The following GALNT1 variants were observed in gnomAD, a reference collection of about 807,000 sequenced individuals.
GALNT1 encodes the protein polypeptide N-acetylgalactosaminyltransferase 1, also known as GalNAc transferase 1.
Under a neutral mutation model 65.7 loss-of-function variants are expected in GALNT1, and 17 were observed. The observed-to-expected ratio is 0.26, with a 90% confidence interval of 0.18 to 0.39. The LOEUF is 0.39. GALNT1 is among the 10% of genes least tolerant of loss of function. The pLI, the probability that GALNT1 is intolerant of heterozygous loss-of-function variation, is 1.00. For synonymous variants in GALNT1, 210 were observed against 219.7 expected (o/e 0.96, Z 0.39); for missense variants, 460 against 672.8 (o/e 0.68, Z 3.50).
In GALNT1 at chr18:35,692,208, T is replaced by C. The variant is rs776158114; in HGVS notation, c.1187T>C (p.Ile396Thr). 15 of 1,610,790 alleles carry C rather than the reference T, an allele frequency of 9.3e-6. No homozygotes were observed. The highest frequency in any genetic ancestry group is 4.5e-5 in the East Asian group (2 of 44,766). Reference protein sequence around the residue: ...PGVTKVDYGDISSRVGLRHKL... With the variant: ...PGVTKVDYGDTSSRVGLRHKL... Reference sequence around the variant, plus strand: ...GTTACAAAGGTAGATTATGGAGATATATCGTCAAGAGTTGGTCTAAGACAC... The same window carrying C: ...GTTACAAAGGTAGATTATGGAGATACATCGTCAAGAGTTGGTCTAAGACAC... Residue 396 changes from isoleucine (I) to threonine (T), a missense_variant, in exon 9 of 12, where the codon ATA (isoleucine) becomes ACA (threonine). By Grantham distance (89) the Ile-to-Thr change is moderately conservative. Transcript: ENST00000269195.
At chr18:35,615,621 C>T (rs956766743) in intron 1 of GALNT1, among the ~76,000 whole-genome samples, 10 of 152,100 alleles carry the variant, frequency 6.6e-5, no homozygotes, top group Non-Finnish European at 1.2e-4. Flanking sequence ...AGACTAGTCA[C>T]AAATACACAA....
chr18:35,654,907 T>G, intron 2 of GALNT1, 106 bp downstream of exon 2: 1 of 765,310 alleles, frequency 1.3e-6, no homozygotes, highest in East Asian at 3.6e-5. Flanking sequence ...AACTGTAGTC[T>G]GTGACTTCCT....
At chr18:35,586,235 A>G (rs2046376729) in intron 1 of GALNT1, among the ~76,000 whole-genome samples, 1 of 152,106 alleles carries the variant, frequency 6.6e-6, no homozygotes, top group African/African-American at 2.4e-5. Flanking sequence ...TTATTTGTCA[A>G]CTGTATATTT....
chr18:35,622,799 T>C (rs1256866347), intron 1 of GALNT1, among the ~76,000 whole-genome samples: 1 of 152,178 alleles, frequency 6.6e-6, no homozygotes, highest in Non-Finnish European at 1.5e-5. Flanking sequence ...CATTTATCTT[T>C]GTCTTTTTCC....
intron 4 of GALNT1, among the ~76,000 whole-genome samples, chr18:35,683,127 A>G (rs1331975824): frequency 6.6e-6 from 1 of 152,138 alleles, no homozygotes; most frequent in East Asian, 1.9e-4. Flanking sequence ...TACTTAGCGA[A>G]ACATAGGAGC....
intron 1 of GALNT1, among the ~76,000 whole-genome samples, chr18:35,599,232 A>G (rs2046547490): frequency 6.6e-6 from 1 of 151,724 alleles, no homozygotes; most frequent in Non-Finnish European, 1.5e-5. Flanking sequence ...ATGTGCTCCC[A>G]TTTGCCTACA....
intron 6 of GALNT1, among the ~76,000 whole-genome samples, chr18:35,687,492 G>A (rs943898398): frequency 2.6e-5 from 4 of 152,026 alleles, no homozygotes; most frequent in Non-Finnish European, 4.4e-5. Flanking sequence ...CAGTTATTAA[G>A]GATAATAATA....
chr18:35,705,298 ACT>A (rs1568038104), intron 11 of GALNT1, among the ~76,000 whole-genome samples: 1 of 151,996 alleles, frequency 6.6e-6, no homozygotes, highest in Non-Finnish European at 1.5e-5. Flanking sequence ...CCTGAAATTA[ACT>A]CTGTCAATCT....
intron 1 of GALNT1, among the ~76,000 whole-genome samples, chr18:35,635,672 T>G (rs925750593): frequency 2.0e-5 from 3 of 152,196 alleles, no homozygotes; most frequent in Non-Finnish European, 4.4e-5. Context: ...ATATTCTAAA[T>G]GTAGAAACAA....
intron 11 of GALNT1, among the ~76,000 whole-genome samples, 162 bp downstream of exon 11, chr18:35,703,805 T>C (rs1015239008): frequency 6.6e-6 from 1 of 152,220 alleles, no homozygotes; most frequent in African/African-American, 2.4e-5. Flanking sequence ...AAAATAAATG[T>C]GTTTTAATCT....
intron 1 of GALNT1, among the ~76,000 whole-genome samples, chr18:35,639,841 G>C (rs2047138848): frequency 6.6e-6 from 1 of 152,028 alleles, no homozygotes; most frequent in Non-Finnish European, 1.5e-5. Context: ...TTGTCCCCCA[G>C]GGTGGAGTGC....
At chr18:35,706,422 A>C (rs2048261575) in intron 11 of GALNT1, among the ~76,000 whole-genome samples, 1 of 152,112 alleles carries the variant, frequency 6.6e-6, no homozygotes, top group Non-Finnish European at 1.5e-5. Flanking sequence ...GAATGGCGTG[A>C]ACCCAGGAGG....
chr18:35,646,630 T>C (rs1167472183), intron 1 of GALNT1, among the ~76,000 whole-genome samples: 1 of 152,188 alleles, frequency 6.6e-6, no homozygotes, highest in African/African-American at 2.4e-5. Context: ...CCATAGAGTG[T>C]TTAATGACTC....
chr18:35,689,204 A>T lies in GALNT1; in HGVS notation c.892A>T (p.Ile298Leu). ...TPTMAGGLFS[I>L]DRDYFQEIGT... ...TACCATGGCAGGAGGCCTTTTTTCA[A>T]TAGACAGAGATTACTTTCAGGAAAT... is the stretch of plus-strand genomic sequence containing the variant. The change falls in exon 7 of 12, where the codon ATA (isoleucine) becomes TTA (leucine). Residue 298 changes from isoleucine to leucine, a missense_variant. By Grantham distance (5) the Ile-to-Leu change is conservative. Coordinates refer to ENST00000269195, the MANE Select transcript of GALNT1 (RefSeq NM_020474.4). The T allele has an allele frequency of 6.2e-7, 1 of 1,612,834 alleles. No individual in the cohort carries two copies. Among genetic ancestry groups the T allele is most frequent in the Non-Finnish European group, 8.5e-7 (1 of 1,179,122 alleles).
intron 1 of GALNT1, among the ~76,000 whole-genome samples, chr18:35,600,020 G>T (rs1288282283): frequency 1.3e-5 from 2 of 152,262 alleles, no homozygotes; most frequent in East Asian, 1.9e-4. Context: ...GTCTTTTGTG[G>T]TTCCAATTTA....
chr18:35,637,195 CA>C (rs2047102684), intron 1 of GALNT1, among the ~76,000 whole-genome samples: 1 of 152,174 alleles, frequency 6.6e-6, no homozygotes, highest in Non-Finnish European at 1.5e-5. Context: ...AATAACCCTA[CA>C]GTGGCCTCTA....
At chr18:35,624,248 T>A (rs1425224794) in intron 1 of GALNT1, among the ~76,000 whole-genome samples, 2 of 152,226 alleles carry the variant, frequency 1.3e-5, no homozygotes, top group African/African-American at 4.8e-5. Context: ...TGCCTCACTT[T>A]CCAGTTGCCT....
At chr18:35,693,140 AGGAAGTTGAAAGAGTAC>A (rs528244051) in intron 9 of GALNT1, among the ~76,000 whole-genome samples, 128 of 152,306 alleles carry the variant, frequency 8.4e-4, no homozygotes, top group African/African-American at 1.7e-3. Flanking sequence ...GTTTTATGTA[AGGAAGTTGAAAGAGTAC>A]GGAAGTTGAA....
At chr18:35,641,575 G>A (rs1275895960) in intron 1 of GALNT1, among the ~76,000 whole-genome samples, 8 of 152,330 alleles carry the variant, frequency 5.3e-5, no homozygotes, top group Non-Finnish European at 1.0e-4. Context: ...TATTAGAGAA[G>A]AGGAAATGGA....
Sources: gnomAD v4.1 joint callset for allele counts (sites outside exome capture counted in the v4.1 genomes callset) on GRCh38, gnomAD v4.1.1 for gene constraint, MANE v1.5 for transcripts, NCBI Gene and HGNC (gene_info 2026-07-23, HGNC 2026-07-21) for gene names.